Variants in ATAD2B observed in about 807,000 individuals in gnomAD.
The protein encoded by ATAD2B is ATPase family AAA domain-containing protein 2B.
ATAD2B carries 40 observed loss-of-function variants against 167.6 expected under a neutral mutation model. That is an observed-to-expected ratio of 0.24 (90% CI 0.19 to 0.31). The LOEUF (loss-of-function observed/expected upper bound fraction) is 0.31, where lower values mean the gene tolerates loss of function less well. ATAD2B is among the 10% of genes least tolerant of loss of function. The pLI is 1.00. For synonymous variants in ATAD2B, 579 were observed against 596.5 expected (o/e 0.97, Z 0.43); for missense variants, 1,242 against 1,757.2 (o/e 0.71, Z 5.24).
At chr2:23,884,251 C>CT (rs1698377821) in intron 6 of ATAD2B, among the ~76,000 whole-genome samples, 1 of 152,136 alleles carries the variant, frequency 6.6e-6, no homozygotes, top group African/African-American at 2.4e-5. Context: ...AACTCTGGCC[C>CT]TACAAGGTCA....
At chr2:23,818,076 AAAC>A (rs1686725463) in intron 17 of ATAD2B, among the ~76,000 whole-genome samples, 1 of 20,402 alleles carries the variant, frequency 4.9e-5, no homozygotes, top group African/African-American at 2.4e-4. Flanking sequence ...AAACACACAT[AAAC>A]ACACACACAC....
chr2:23,894,148 C>T (rs1474184226), intron 2 of ATAD2B, among the ~76,000 whole-genome samples: 1 of 152,014 alleles, frequency 6.6e-6, no homozygotes, highest in African/African-American at 2.4e-5. Context: ...TTCATATGCT[C>T]TCCCAAAATT....
chr2:23,787,230 C>T (rs943751469), intron 20 of ATAD2B, among the ~76,000 whole-genome samples: 12 of 151,886 alleles, frequency 7.9e-5, no homozygotes, highest in Admixed American at 5.2e-4. Flanking sequence ...AAAAGATTTC[C>T]CCTGATATCA....
chr2:23,813,901 C>T (rs1686017981), intron 17 of ATAD2B, among the ~76,000 whole-genome samples: 1 of 151,882 alleles, frequency 6.6e-6, no homozygotes, highest in Non-Finnish European at 1.5e-5. Context: ...ATCTAAAAAC[C>T]TCTGTAACCC....
rs188812789 is a variant in ATAD2B at position 23,856,536 on chromosome 2, T to C, written c.1568+879A>G. On this transcript the variant is annotated intron_variant, in intron 13 of 27. Transcript: ENST00000238789. ...ACACATATACATTAAGGAATACTCC[T>C]GGGGAGTGAAAAAGAATAAAATATT... The C allele has an allele frequency of 7.5e-5, 19 of 251,956 alleles. No individual in the cohort carries two copies. The East Asian group carries it at 2.4e-3, about 31-fold the overall frequency. 15.6% of individuals were successfully genotyped at this position (251,956 alleles called of 1,614,324 possible).
chr2:23,906,962 G>A (rs1443666530), intron 1 of ATAD2B, among the ~76,000 whole-genome samples: 1 of 150,378 alleles, frequency 6.6e-6, no homozygotes, highest in East Asian at 1.9e-4. Context: ...TTGATGGGAC[G>A]TATTTCAAAA....
chr2:23,890,209 C>T lies in ATAD2B; in HGVS notation c.369-1810G>A, dbSNP rs556911387. Among the ~76,000 whole-genome samples, 133 of 151,838 alleles carry T rather than the reference C, an allele frequency of 8.8e-4. 1 individual carries two copies. Among genetic ancestry groups the T allele is most frequent in the African/African-American group, 3.1e-3 (127 of 41,414 alleles). On this transcript the variant is annotated intron_variant, in intron 2 of 27. Transcript: ENST00000238789. ...CAGCCTGGGTGACAGAGCGAGACTCCGTCTAAAAACAAAAAATAAATAATA... is the reference window on the plus strand; with the variant it reads ...CAGCCTGGGTGACAGAGCGAGACTCTGTCTAAAAACAAAAAATAAATAATA...
At position 23,786,141 on chromosome 2, in the gene ATAD2B, C is replaced by T. The variant is rs1164332266; in HGVS notation, c.2859G>A (p.Glu953=). 6.2e-7 allele frequency: 1 copy of T among 1,605,216 alleles called. No homozygotes were observed. The highest frequency in any genetic ancestry group is 1.7e-5 in the Admixed American group (1 of 58,742). The change falls in exon 21 of 28, where the codon GAG becomes GAA. Residue 953 remains glutamate, a synonymous_variant. Transcript: ENST00000238789. ...QLSESEKSRM[E]DQEENTLREL... is the part of the protein sequence containing the mutation. Reference sequence around the variant, plus strand: ...CTCTTAAAGTATTTTCCTCCTGGTCCTCCATTCGACTTTTTTCTGATTCTG... The same window carrying T: ...CTCTTAAAGTATTTTCCTCCTGGTCTTCCATTCGACTTTTTTCTGATTCTG...
At chr2:23,918,928 T>C (rs1253478024) in intron 1 of ATAD2B, among the ~76,000 whole-genome samples, 1 of 152,140 alleles carries the variant, frequency 6.6e-6, no homozygotes, top group East Asian at 1.9e-4. Context: ...CCTTGCAGAG[T>C]TGTTACAAGG....
intron 22 of ATAD2B, among the ~76,000 whole-genome samples, chr2:23,781,333 A>AAAT (rs1680009638): frequency 1.4e-4 from 20 of 144,474 alleles, no homozygotes; most frequent in African/African-American, 4.3e-4. Flanking sequence ...TGACCACAAA[A>AAAT]AAATAAATAA....
At chr2:23,844,893 G>A (rs560622578) in intron 13 of ATAD2B, among the ~76,000 whole-genome samples, 1 of 151,708 alleles carries the variant, frequency 6.6e-6, no homozygotes, top group East Asian at 1.9e-4. Flanking sequence ...ATTCAAGAAT[G>A]AGAAAAGGGG....
the ATAD2B span, among the ~76,000 whole-genome samples, chr2:23,681,589 ACT>A: frequency 4.0e-5 from 6 of 151,732 alleles, no homozygotes; most frequent in South Asian, 4.2e-4. This position sits in a 1 kb window ranked among gnomAD's most constrained non-coding sequence, Gnocchi z 4.2. Flanking sequence ...CACATCTGTC[ACT>A]CTCTGCAGCA....
chr2:23,865,079 A>G (rs897520884), intron 10 of ATAD2B, among the ~76,000 whole-genome samples, 155 bp from the exon 11 acceptor site: 1 of 152,160 alleles, frequency 6.6e-6, no homozygotes, highest in African/African-American at 2.4e-5. Flanking sequence ...AAAGGCCAAC[A>G]ATAAAATCCA....
At chr2:23,724,388 A>C in the ATAD2B span, among the ~76,000 whole-genome samples, 2 of 152,206 alleles carry the variant, frequency 1.3e-5, no homozygotes. Context: ...GAATACGTAC[A>C]ATTATTGTCA....
the ATAD2B span, among the ~76,000 whole-genome samples, chr2:23,741,411 T>C: frequency 6.6e-6 from 1 of 151,814 alleles, no homozygotes; most frequent in Non-Finnish European, 1.5e-5. Flanking sequence ...TATCTACAAC[T>C]ATCTGATCTT....
chr2:23,769,996 T>C (rs1678066740), intron 22 of ATAD2B, among the ~76,000 whole-genome samples: 1 of 151,650 alleles, frequency 6.6e-6, no homozygotes, highest in East Asian at 2.0e-4. Flanking sequence ...ACTGTGGTCT[T>C]AATTTGCATT....
the ATAD2B span, among the ~76,000 whole-genome samples, chr2:23,709,654 C>T: frequency 2.7e-5 from 4 of 149,798 alleles, no homozygotes; most frequent in Admixed American, 1.3e-4. Flanking sequence ...AAAAAAAAAT[C>T]GGAAGGTGGT....
the ATAD2B span, chr2:23,693,544 T>A: frequency 5.8e-6 from 9 of 1,538,854 alleles, no homozygotes; most frequent in Non-Finnish European, 7.9e-6. Flanking sequence ...GCCTGCCCTG[T>A]CCCCCGCCCC....
intron 22 of ATAD2B, among the ~76,000 whole-genome samples, chr2:23,774,827 G>A (rs551578701): frequency 1.3e-5 from 2 of 152,346 alleles, no homozygotes; most frequent in South Asian, 4.1e-4. Context: ...TTGAACCCGG[G>A]AGGCGGGGAT....
Sources: gnomAD v4.1 joint callset for allele counts (sites outside exome capture counted in the v4.1 genomes callset) on GRCh38, gnomAD v4.1.1 for gene constraint, Gnocchi (gnomAD v3.1) non-coding constraint, MANE v1.5 for transcripts, NCBI Gene and HGNC (gene_info 2026-07-23, HGNC 2026-07-21) for gene names.